The following ING3 variants were observed in gnomAD, a reference collection of about 807,000 sequenced individuals.
ING3 encodes inhibitor of growth protein 3.
Under a neutral mutation model 64.8 loss-of-function variants are expected in ING3, and 6 were observed. The observed-to-expected ratio is 0.09, with a 90% CI of 0.05 to 0.18. The LOEUF is 0.18. Among genes scored for constraint, ING3 ranks in the 10% least tolerant of loss-of-function variants. The pLI, the probability that ING3 is intolerant of heterozygous loss-of-function variation, is 1.00. For missense variants in ING3, 310 were observed against 489.7 expected, an observed-to-expected ratio of 0.63 and a Z score of 3.46; for synonymous variants, 170 against 173.7, an observed-to-expected ratio of 0.98 and a Z score of 0.17.
intron 5 of ING3, among the ~76,000 whole-genome samples, chr7:120,966,352 A>G (rs1160059078): frequency 6.6e-6 from 1 of 152,162 alleles, no homozygotes; most frequent in Admixed American, 6.5e-5. Context: ...ACTATGGTGA[A>G]TTCCCTAATT....
In ING3 at chr7:120,969,202, C is replaced by A; in HGVS notation, c.906C>A (p.Ser302Arg). ...CCGACTCACGGAGTGGTCGAAAGAGCAAGTAAGTTTTATTGTTACAGTAGC... is the reference window on the plus strand; with the variant it reads ...CCGACTCACGGAGTGGTCGAAAGAGAAAGTAAGTTTTATTGTTACAGTAGC... ...SAADSRSGRKSKNNNKSSSQQ... is the reference protein window; with the variant it reads ...SAADSRSGRKRKNNNKSSSQQ... Residue 302 changes from serine to arginine, a missense_variant and splice_region_variant, in exon 9 of 12, where the codon AGC becomes AGA. Physicochemically the swap from Ser to Arg is moderately radical, Grantham distance 110. Transcript: ENST00000315870. 1 of 1,611,440 alleles carries A rather than the reference C, an allele frequency of 6.2e-7. No homozygotes were observed. The highest frequency in any genetic ancestry group is 2.2e-5 in the East Asian group (1 of 44,784).
intron 5 of ING3, 131 bp from the exon 6 acceptor site, chr7:120,966,495 A>G: frequency 2.6e-6 from 2 of 766,322 alleles, no homozygotes; most frequent in Non-Finnish European, 4.8e-6. Flanking sequence ...GCTAAAATAA[A>G]TACAGGCATA....
At chr7:120,965,942 C>T (rs1047810037) in intron 5 of ING3, among the ~76,000 whole-genome samples, 1 of 152,042 alleles carries the variant, frequency 6.6e-6, no homozygotes, top group African/African-American at 2.4e-5. Flanking sequence ...CATGCCTATT[C>T]AGTACTGCAG....
rs757880829 is a variant in ING3, at chr7:120,970,760, A to G, written c.981A>G (p.Ser327=). ...SSSSSLSSCS[S]SSTVVQEISQ... is the part of the protein sequence containing the mutation. ...CTTCTTCCTTATCATCGTGTTCTTC[A>G]TCATCAACTGTTGTACAAGAAATCT... The change falls in exon 10 of 12, where the codon TCA becomes TCG. Residue 327 remains serine (S), a synonymous_variant. Transcript: ENST00000315870. 8 of 1,613,456 alleles carry G rather than the reference A, an allele frequency of 5.0e-6. No homozygotes were observed. The East Asian group carries it at 6.7e-5, about 13-fold the overall frequency.
At position 120,964,775 on chromosome 7, in the gene ING3, C is replaced by G. The variant is rs749343034; in HGVS notation, c.301C>G (p.Leu101Val). 8.1e-6 allele frequency: 13 copies of G among 1,613,598 alleles called. No individual in the cohort carries two copies. Among genetic ancestry groups the G allele is most frequent in the Non-Finnish European group, 1.1e-5 (13 of 1,179,736 alleles). The change falls in exon 5 of 12, where the codon CTG (leucine) becomes GTG (valine). Residue 101 changes from leucine to valine, a missense_variant. Coordinates refer to ENST00000315870, the MANE Select transcript of ING3 (RefSeq NM_019071.3). ...DRHLRKLDQELAKFKMELEAD... is the reference protein window; with the variant it reads ...DRHLRKLDQEVAKFKMELEAD... ...ACACTTGAGAAAGCTGGATCAGGAA[C>G]TGGCTAAGTTTAAAATGGAGCTGGA...
chr7:120,968,238 A>T (rs1796022909), intron 8 of ING3, 147 bp downstream of exon 8: 4 of 780,984 alleles, frequency 5.1e-6, no homozygotes, highest in Non-Finnish European at 7.9e-6. Flanking sequence ...GTGATATTTT[A>T]TTTAATGAAA....
chr7:120,966,639 A>G lies in ING3; in HGVS notation c.378A>G (p.Leu126=). Residue 126 remains leucine, a synonymous_variant, in exon 6 of 12, where the codon TTA becomes TTG. Transcript: ENST00000315870. ...CTCTTCTTTTAGGATCTTTGGAATT[A>G]GACACTCCTTCACAGCCAGTGAACA... ...TEILERRSLE[L]DTPSQPVNNH... 1 of 1,612,910 alleles carries G rather than the reference A, an allele frequency of 6.2e-7. No individual in the cohort carries two copies. The highest frequency in any genetic ancestry group is 8.5e-7 in the Non-Finnish European group (1 of 1,178,894).
chr7:120,970,943 C>T, intron 10 of ING3, 63 bp downstream of exon 10: 1 of 1,379,866 alleles, frequency 7.2e-7, no homozygotes, highest in Non-Finnish European at 1.0e-6. Flanking sequence ...AGAACTATTT[C>T]ATTTTTAAGC....
At chr7:120,967,125 T>A (rs1275667832) in intron 6 of ING3, among the ~76,000 whole-genome samples, 1 of 152,170 alleles carries the variant, frequency 6.6e-6, no homozygotes, top group Non-Finnish European at 1.5e-5. Flanking sequence ...GGTAAGTCAG[T>A]GAGTGGATGA....
intron 8 of ING3, 146 bp downstream of exon 8, chr7:120,968,237 T>C: frequency 1.3e-6 from 1 of 787,740 alleles, no homozygotes; most frequent in Non-Finnish European, 2.0e-6. Context: ...TGTGATATTT[T>C]ATTTAATGAA....
intron 3 of ING3, among the ~76,000 whole-genome samples, chr7:120,953,801 G>A (rs1052492601): frequency 1.7e-4 from 26 of 152,240 alleles, no homozygotes; most frequent in African/African-American, 6.0e-4. Context: ...ACAGAAGAAC[G>A]AAATCTTAAA....
chr7:120,968,078 A>G lies in ING3; in HGVS notation c.701A>G (p.Gln234Arg). The change falls in exon 8 of 12, where the codon CAG becomes CGG. Residue 234 changes from glutamine to arginine, a missense_variant. Physicochemically the swap from Gln to Arg is conservative, Grantham distance 43. Around this residue, in one of 3 missense-constraint regions of ING3, gnomAD observed 233 missense variants for 289.4 expected, o/e 0.81. Transcript: ENST00000315870. ...AITMAAAQAV[Q>R]ATAQMKEGRR... ...ACCATGGCAGCTGCTCAAGCAGTTC[A>G]GGCTACAGCTCAGGTAAAAAGTAAA... The G allele has an allele frequency of 6.2e-7, 1 of 1,614,056 alleles. No individual in the cohort carries two copies. Among genetic ancestry groups the G allele is most frequent in the Non-Finnish European group, 8.5e-7 (1 of 1,179,976 alleles).
At chr7:120,952,535 C>G (rs1358873970) in intron 2 of ING3, among the ~76,000 whole-genome samples, 2 of 152,032 alleles carry the variant, frequency 1.3e-5, no homozygotes, top group Non-Finnish European at 2.9e-5. Flanking sequence ...TTTACAGTAA[C>G]TAGAATTTTC....
In ING3 at chr7:120,974,933, A is replaced by G. The variant is rs984384229; in HGVS notation, c.*89A>G. 3 of 912,192 alleles carry G rather than the reference A, an allele frequency of 3.3e-6. No homozygotes were observed. Among genetic ancestry groups the G allele is most frequent in the Admixed American group, 2.5e-5 (1 of 39,946 alleles). The allele number at this position is 912,192 out of a possible 1,614,324, so 56.5% of individuals were successfully genotyped here. On this transcript the variant is annotated 3_prime_UTR_variant, in exon 12 of 12. Transcript: ENST00000315870. ...AAGAAGAGAAGAGAAAGAAGAAACA[A>G]TGCATTTCCAGGCAACCACTTAAAG...
chr7:120,956,804 A>G (rs1404595677), intron 4 of ING3: 41 of 976,430 alleles, frequency 4.2e-5, no homozygotes, highest in Non-Finnish European at 4.3e-5. Context: ...CTCATATTCA[A>G]TGACTGTATG....
chr7:120,951,253 C>T lies in ING3; in HGVS notation c.100+18C>T, dbSNP rs1376871626. ...GGTGCAGAGTAAGTCGGCGCGTCTA[C>T]TACTCCTGTTCGCTGCGCGCGTTCA... On this transcript the variant is annotated intron_variant, in intron 2 of 11. Transcript: ENST00000315870. 1.2e-6 allele frequency: 2 copies of T among 1,613,150 alleles called. No homozygotes were observed. Among genetic ancestry groups the T allele is most frequent in the East Asian group, 2.2e-5 (1 of 44,864 alleles).
intron 9 of ING3, among the ~76,000 whole-genome samples, chr7:120,969,771 G>A (rs1248457899): frequency 6.6e-6 from 1 of 152,086 alleles, no homozygotes; most frequent in Non-Finnish European, 1.5e-5. Context: ...TATGCTGGGT[G>A]TTTATACATA....
chr7:120,963,918 A>G (rs2116674254), intron 4 of ING3, among the ~76,000 whole-genome samples: 1 of 152,306 alleles, frequency 6.6e-6, no homozygotes, highest in South Asian at 2.1e-4. Flanking sequence ...CAATAATGTG[A>G]CATGAATATT....
At chr7:120,952,231 G>A (rs1307547338) in intron 2 of ING3, among the ~76,000 whole-genome samples, 3 of 152,208 alleles carry the variant, frequency 2.0e-5, no homozygotes, top group Non-Finnish European at 4.4e-5. Context: ...CTGCAGGACT[G>A]AGCACAGACA....
Sources: allele counts gnomAD v4.1 joint callset (sites outside exome capture counted in the v4.1 genomes callset), GRCh38; gene constraint gnomAD v4.1.1; regional missense constraint gnomAD v4.1.1; transcripts MANE v1.5; gene names NCBI Gene and HGNC (gene_info 2026-07-23, HGNC 2026-07-21).